Variants in DNAH8 observed in about 807,000 individuals in gnomAD.
DNAH8 encodes the protein axonemal beta dynein heavy chain 8.
A neutral mutation model predicts 562.1 loss-of-function variants in DNAH8; 382 were observed. The ratio of observed to expected loss-of-function variants is 0.68; its 90% CI spans 0.63 to 0.74. The LOEUF is 0.74. Ranked by LOEUF, DNAH8 falls within the 30% of genes least tolerant of loss-of-function variation. The pLI, the probability that DNAH8 is intolerant of heterozygous loss-of-function variation, is 0.00. For missense variants in DNAH8, 5,203 were observed against 5,620.4 expected, an observed-to-expected ratio of 0.93 and a Z score of 2.37; for synonymous variants, 1,881 against 1,919.4, an observed-to-expected ratio of 0.98 and a Z score of 0.52.
chr6:38,738,012 T>G, intron 7 of DNAH8, 40 bp downstream of exon 7: 1 of 1,585,276 alleles, frequency 6.3e-7, no homozygotes, highest in Non-Finnish European at 8.6e-7. Context: ...CTAGTAGTTT[T>G]CATGTGCATC....
chr6:38,770,530 T>C lies in DNAH8; in HGVS notation c.1735T>C (p.Phe579Leu), dbSNP rs1562721084. 1 of 1,602,270 alleles carries C rather than the reference T, an allele frequency of 6.2e-7. No individual in the cohort carries two copies. Among genetic ancestry groups the C allele is most frequent in the Admixed American group, 1.8e-5 (1 of 56,506 alleles). ...EVSEMYIFGK[F>L]EAFCKRLEKI... ...TTCAGAAATGTATATATTTGGAAAA[T>C]TTGAAGCTTTTTGCAAAAGACTGGA... Residue 579 changes from phenylalanine to leucine, a missense_variant, in exon 12 of 93, where the codon TTT (phenylalanine) becomes CTT (leucine). By Grantham distance (22) the Phe-to-Leu change is conservative (BLOSUM62 0). This residue lies in a region of DNAH8 where 2,176 missense variants were observed against 2,365.1 expected (regional missense o/e 0.92). Transcript: ENST00000327475.
rs527825761 is a variant in DNAH8, at chr6:38,800,480, T to C, written c.2902-2699T>C. On this transcript the variant is annotated intron_variant, in intron 21 of 92. Coordinates refer to ENST00000327475, the MANE Select transcript of DNAH8 (RefSeq NM_001206927.2). The stretch of plus-strand genomic sequence containing the variant: ...ATCTCAGGGTGGTTTTGACAAATGT[T>C]TCCCTATTAGCTAGTGATGTTGAGC... Among the ~76,000 whole-genome samples the C allele has an allele frequency of 3.3e-5, 5 of 152,260 alleles. No individual in the cohort carries two copies. In the East Asian group the frequency reaches 9.7e-4, roughly 29 times the overall value.
rs911232268 is a variant in DNAH8 at position 38,900,037 on chromosome 6, G to A, written c.9194+131G>A. The A allele has an allele frequency of 2.0e-5, 15 of 743,330 alleles. No homozygotes were observed. In the African/African-American group the frequency reaches 2.0e-4, roughly 10 times the overall value. 46.0% of individuals were successfully genotyped at this position (743,330 alleles called of 1,614,324 possible). A position where few individuals can be genotyped will look rare whatever the true frequency, so the allele number is the denominator to read the frequency against. On this transcript the variant is annotated intron_variant, in intron 62 of 92. Transcript: ENST00000327475. Reference sequence around the variant, plus strand: ...TAAACTTTAAGTATTATATATATAAGGATATTTACGCAAGTGTCACAAAGT... The same window carrying A: ...TAAACTTTAAGTATTATATATATAAAGATATTTACGCAAGTGTCACAAAGT...
chr6:38,869,244 T>A (rs1370987378), intron 48 of DNAH8, among the ~76,000 whole-genome samples: 2 of 152,172 alleles, frequency 1.3e-5, no homozygotes. Flanking sequence ...TATTGGGGAA[T>A]GGAGACTAGA....
intron 88 of DNAH8, among the ~76,000 whole-genome samples, chr6:39,005,048 T>C (rs749229720): frequency 1.3e-5 from 2 of 152,190 alleles, no homozygotes; most frequent in African/African-American, 2.4e-5. Context: ...AGGAATGTTA[T>C]GTAGTTATTG....
At chr6:38,887,156 A>G (rs145667813) in intron 57 of DNAH8, 152 bp downstream of exon 57, 103 of 602,920 alleles carry the variant, frequency 1.7e-4, no homozygotes, top group African/African-American at 1.3e-3. Context: ...CTAAATACTA[A>G]GGTGACCTAT....
At chr6:38,844,591 T>A (rs914969234) in intron 35 of DNAH8, among the ~76,000 whole-genome samples, 4 of 152,198 alleles carry the variant, frequency 2.6e-5, no homozygotes, top group Non-Finnish European at 4.4e-5. Context: ...AATATAGCCA[T>A]TCGTAGGCTG....
At chr6:38,837,896 A>G (rs1774428557) in intron 32 of DNAH8, 46 bp from the exon 33 acceptor site, 1 of 1,266,430 alleles carries the variant, frequency 7.9e-7, no homozygotes, top group South Asian at 1.3e-5. Flanking sequence ...CTTTAATTCT[A>G]CTGAATTAAT....
chr6:38,790,258 A>C, intron 19 of DNAH8, 31 bp from the exon 20 acceptor site: 1 of 1,161,662 alleles, frequency 8.6e-7, no homozygotes, highest in Non-Finnish European at 1.3e-6. Context: ...CCTGTTGATA[A>C]TAGAAGCAGT....
chr6:38,720,380 A>T (rs1762654751), intron 1 of DNAH8, among the ~76,000 whole-genome samples: 1 of 152,168 alleles, frequency 6.6e-6, no homozygotes, highest in Admixed American at 6.5e-5. Flanking sequence ...ATGCTGTGGG[A>T]AGCTCATCCC....
At chr6:38,757,830 G>C (rs558833335) in intron 10 of DNAH8, among the ~76,000 whole-genome samples, 1 of 152,286 alleles carries the variant, frequency 6.6e-6, no homozygotes, top group African/African-American at 2.4e-5. Context: ...TCAGATAGTT[G>C]TAGATATGCG....
intron 3 of DNAH8, among the ~76,000 whole-genome samples, chr6:38,727,123 G>T (rs1763292846): frequency 6.6e-6 from 1 of 152,122 alleles, no homozygotes; most frequent in African/African-American, 2.4e-5. Context: ...CTCCCAAAGG[G>T]CTGGGATTAC....
chr6:38,756,687 C>T (rs1357974587), intron 10 of DNAH8, among the ~76,000 whole-genome samples: 4 of 146,572 alleles, frequency 2.7e-5, no homozygotes, highest in African/African-American at 1.0e-4. Flanking sequence ...CACCCCATGA[C>T]AGGCCCCAGT....
Position 38,924,092 on chromosome 6 carries a change from A to G in DNAH8, c.10892A>G (p.Glu3631Gly). The G allele has an allele frequency of 6.2e-7, 1 of 1,614,046 alleles. No individual in the cohort carries two copies. The highest frequency in any genetic ancestry group is 8.5e-7 in the Non-Finnish European group (1 of 1,179,908). Residue 3631 changes from glutamate (E) to glycine (G), a missense_variant, in exon 73 of 93, where the codon GAG (glutamate) becomes GGG (glycine). Physicochemically the swap from Glu to Gly is moderately conservative, Grantham distance 98. This residue lies in a region of DNAH8 where 1,399 missense variants were observed against 1,518.4 expected (regional missense o/e 0.92). Coordinates refer to ENST00000327475, the MANE Select transcript of DNAH8 (RefSeq NM_001206927.2). ...TTGCTTAAAGATCAATGGGAAATGG[A>G]GTTGAGAGCACGGAAAATTCCTTTC... ...NYLLKDQWEM[E>G]LRARKIPFTE...
At position 38,802,232 on chromosome 6, in the gene DNAH8, G is replaced by A. The variant is rs760882387; in HGVS notation, c.2902-947G>A. 3.9e-4 allele frequency among the ~76,000 whole-genome samples: 59 copies of A among 151,906 alleles called. 2 individuals carry two copies. Among genetic ancestry groups the A allele is most frequent in the East Asian group, 5.8e-4 (3 of 5,186 alleles). Reference sequence around the variant, plus strand: ...ATTACAGGTATGAGCCACTGCACCCGGCCCTGATTTACTTTTACGTTTTTT... The same window carrying A: ...ATTACAGGTATGAGCCACTGCACCCAGCCCTGATTTACTTTTACGTTTTTT... On this transcript the variant is annotated intron_variant, in intron 21 of 92. Transcript: ENST00000327475.
At chr6:38,970,186 A>G (rs762584886) in intron 82 of DNAH8, among the ~76,000 whole-genome samples, 2 of 152,120 alleles carry the variant, frequency 1.3e-5, no homozygotes, top group Non-Finnish European at 2.9e-5. Flanking sequence ...TGTGGCTCAC[A>G]CTCATGTGTT....
intron 10 of DNAH8, among the ~76,000 whole-genome samples, chr6:38,759,334 CAAACA>C (rs1562679473): frequency 3.3e-5 from 5 of 151,806 alleles, no homozygotes; most frequent in Admixed American, 6.6e-5. Context: ...AACAAACAAA[CAAACA>C]AACCACCACC....
chr6:38,781,113 G>C, intron 15 of DNAH8, 141 bp from the exon 16 acceptor site: 1 of 772,518 alleles, frequency 1.3e-6, no homozygotes, highest in Non-Finnish European at 2.0e-6. Context: ...GGTTACCTTG[G>C]ATGTGCATTT....
intron 10 of DNAH8, among the ~76,000 whole-genome samples, chr6:38,757,417 A>G (rs1582919931): frequency 6.6e-6 from 1 of 151,576 alleles, no homozygotes; most frequent in East Asian, 1.9e-4. Flanking sequence ...GATTCTGGAT[A>G]TTAGCCCTTT....
Sources: gnomAD v4.1 joint callset for allele counts (sites outside exome capture counted in the v4.1 genomes callset) on GRCh38, gnomAD v4.1.1 for gene constraint, gnomAD v4.1.1 regional missense constraint, MANE v1.5 for transcripts, NCBI Gene and HGNC (gene_info 2026-07-23, HGNC 2026-07-21) for gene names.